The following SCN11A variants were observed in gnomAD, a reference collection of about 807,000 sequenced individuals.
The protein encoded by SCN11A is sodium voltage-gated channel alpha subunit 11.
A neutral mutation model predicts 162.2 loss-of-function variants in SCN11A; 122 were observed. The observed-to-expected ratio is 0.75, with a 90% CI of 0.65 to 0.87. SCN11A has a LOEUF of 0.87. Among genes scored for constraint, SCN11A ranks in the 40% least tolerant of loss-of-function variants. The probability of loss-of-function intolerance (pLI) is 0.00; values close to 1 mark genes in which losing one functional copy is unlikely to be tolerated. For missense variants in SCN11A, 2,015 were observed against 2,181.6 expected (o/e 0.92, Z 1.52); for synonymous variants, 758 against 751.5 (o/e 1.01, Z -0.14).
chr3:38,929,172 CAT>C (rs1491058139), intron 7 of SCN11A, among the ~76,000 whole-genome samples: 1,413 of 79,816 alleles, frequency 0.018, 12 homozygotes, highest in African/African-American at 0.02. Flanking sequence ...CACACACACA[CAT>C]GTTTGGGACT....
intron 2 of SCN11A, among the ~76,000 whole-genome samples, chr3:38,981,863 G>C (rs970937051): frequency 2.0e-5 from 3 of 151,814 alleles, no homozygotes; most frequent in Non-Finnish European, 4.4e-5. Context: ...AATTAGCCGG[G>C]CATGGTGGCA....
intron 19 of SCN11A, among the ~76,000 whole-genome samples, chr3:38,893,310 G>A (rs545984521): frequency 3.9e-5 from 6 of 152,180 alleles, no homozygotes; most frequent in Middle Eastern, 3.4e-3. Flanking sequence ...ATATTGGGAA[G>A]ATATAGCATT....
chr3:38,925,345 T>G (rs2066121607), intron 9 of SCN11A, 70 bp downstream of exon 9: 3 of 1,079,082 alleles, frequency 2.8e-6, no homozygotes, highest in Non-Finnish European at 4.1e-6. Context: ...GATGACATTT[T>G]GAAAAAATTT....
At chr3:39,051,663 C>G (rs2032383402) in intron 1 of SCN11A, among the ~76,000 whole-genome samples, 198 bp downstream of exon 1, 1 of 152,094 alleles carries the variant, frequency 6.6e-6, no homozygotes, top group Non-Finnish European at 1.5e-5. Context: ...AGGAGATGGT[C>G]CAGCGCCATG....
chr3:38,963,524 T>C (rs2066761254), intron 2 of SCN11A, among the ~76,000 whole-genome samples: 1 of 149,808 alleles, frequency 6.7e-6, no homozygotes. Flanking sequence ...GATACATATA[T>C]ATAATGGAAC....
intron 23 of SCN11A, among the ~76,000 whole-genome samples, chr3:38,874,071 T>A (rs2065171307): frequency 6.6e-6 from 1 of 152,182 alleles, no homozygotes; most frequent in Non-Finnish European, 1.5e-5. Context: ...ATGCAAGAGT[T>A]CTCCTTGGAT....
chr3:38,908,158 A>G (rs1256470173), intron 13 of SCN11A, 36 bp from the exon 14 acceptor site: 1 of 1,581,392 alleles, frequency 6.3e-7, no homozygotes, highest in Admixed American at 1.8e-5. Context: ...AGAACAGATT[A>G]CACCTCCTCA....
At chr3:39,017,949 A>G (rs1341038815) in intron 2 of SCN11A, among the ~76,000 whole-genome samples, 1 of 152,230 alleles carries the variant, frequency 6.6e-6, no homozygotes, top group Non-Finnish European at 1.5e-5. Context: ...TTGTATTCCT[A>G]TAAATATTCT....
At chr3:38,902,559 C>A (rs2065719184) in intron 16 of SCN11A, among the ~76,000 whole-genome samples, 1 of 151,364 alleles carries the variant, frequency 6.6e-6, no homozygotes, top group South Asian at 2.1e-4. Context: ...ACTTTGTCAC[C>A]CAGGCTGGAG....
chr3:38,969,055 G>A (rs4073957), intron 2 of SCN11A, among the ~76,000 whole-genome samples: 16,534 of 152,128 alleles, frequency 0.11, 983 homozygotes, highest in Middle Eastern at 0.16. Context: ...AGTAGTAGCT[G>A]CAGTGGCTTG....
At chr3:38,998,343 G>A (rs1229122716) in intron 2 of SCN11A, among the ~76,000 whole-genome samples, 1 of 152,176 alleles carries the variant, frequency 6.6e-6, no homozygotes, top group African/African-American at 2.4e-5. Context: ...CTTGGAGGAA[G>A]AAGCTGGATG....
At chr3:38,877,094 GTATATATATGGTGTATATAC>G (rs1286667575) in intron 23 of SCN11A, among the ~76,000 whole-genome samples, 17 of 35,666 alleles carry the variant, frequency 4.8e-4, no homozygotes, top group South Asian at 9.8e-4. Flanking sequence ...TATATATATG[GTATATATATGGTGTATATAC>G]TATATATATG....
chr3:38,871,945 G>A (rs1332617742), intron 24 of SCN11A, among the ~76,000 whole-genome samples: 1 of 152,130 alleles, frequency 6.6e-6, no homozygotes, highest in Admixed American at 6.6e-5. Flanking sequence ...CAGTGTTAGA[G>A]ACTTATGGAC....
intron 2 of SCN11A, among the ~76,000 whole-genome samples, chr3:38,964,624 A>G (rs1423481989): frequency 6.6e-6 from 1 of 152,228 alleles, no homozygotes; most frequent in African/African-American, 2.4e-5. Context: ...AGAACTCAAC[A>G]GGTGGAGAAA....
At chr3:39,003,696 T>C (rs1174104069) in intron 2 of SCN11A, among the ~76,000 whole-genome samples, 1 of 152,184 alleles carries the variant, frequency 6.6e-6, no homozygotes, top group Non-Finnish European at 1.5e-5. Flanking sequence ...CATCTGTTCT[T>C]TTTTTACTTT....
At chr3:38,970,558 G>C (rs1013312705) in intron 2 of SCN11A, among the ~76,000 whole-genome samples, 1 of 152,084 alleles carries the variant, frequency 6.6e-6, no homozygotes, top group African/African-American at 2.4e-5. Context: ...TTGAGGCCTG[G>C]CCTTTCAGAC....
At chr3:38,938,990 T>C (rs1246279811) in intron 7 of SCN11A, among the ~76,000 whole-genome samples, 3 of 151,952 alleles carry the variant, frequency 2.0e-5, no homozygotes, top group Non-Finnish European at 2.9e-5. Flanking sequence ...CTGGGCAACA[T>C]GGCAAAACCC....
chr3:38,927,702 C>T (rs62242297), intron 7 of SCN11A, among the ~76,000 whole-genome samples: 4 of 152,106 alleles, frequency 2.6e-5, no homozygotes, highest in African/African-American at 4.8e-5. Context: ...CTTCTTCATA[C>T]GGCAGCAGGA....
At chr3:38,908,200 T>C (rs2065831962) in intron 13 of SCN11A, 78 bp from the exon 14 acceptor site, 2 of 1,302,706 alleles carry the variant, frequency 1.5e-6, no homozygotes, top group Non-Finnish European at 2.2e-6. Flanking sequence ...GACCTGAGAG[T>C]GGTGAAAATC....
Sources: allele counts gnomAD v4.1 joint callset (sites outside exome capture counted in the v4.1 genomes callset), GRCh38; gene constraint gnomAD v4.1.1; transcripts MANE v1.5; gene names NCBI Gene and HGNC (gene_info 2026-07-23, HGNC 2026-07-21).